The following APOLD1 variants were observed in gnomAD, a reference collection of about 807,000 sequenced individuals.
APOLD1 encodes the protein apolipoprotein L domain-containing protein 1.
In APOLD1, 22 loss-of-function variants were observed where a neutral mutation model predicts 15.3. The observed-to-expected ratio is 1.44, with a 90% CI of 1.03 to 2.05. The LOEUF (loss-of-function observed/expected upper bound fraction) is 2.05, where lower values mean the gene tolerates loss of function less well. Ranked by LOEUF, APOLD1 falls within the 30% of genes most tolerant of loss-of-function variation. The pLI is 0.00. For missense variants in APOLD1, 394 were observed against 353.5 expected (o/e 1.11, Z -0.92); for synonymous variants, 190 against 167.4 (o/e 1.13, Z -1.04).
intron 1 of APOLD1, chr12:12,771,581 G>A (rs1946987581): frequency 3.8e-6 from 2 of 520,526 alleles, no homozygotes; most frequent in Admixed American, 2.0e-5. Flanking sequence ...AACTTATGAT[G>A]GAGGAAATGG....
chr12:12,752,962 G>A (rs1946823599), intron 1 of APOLD1, among the ~76,000 whole-genome samples: 1 of 152,126 alleles, frequency 6.6e-6, no homozygotes, highest in Non-Finnish European at 1.5e-5. Context: ...GTAGGAGGGT[G>A]ATGATAAGAT....
At chr12:12,741,316 C>T (rs1946728224) in intron 1 of APOLD1, among the ~76,000 whole-genome samples, 1 of 152,212 alleles carries the variant, frequency 6.6e-6, no homozygotes, top group African/African-American at 2.4e-5. Context: ...AAGTGATCCT[C>T]CCATTTCAGC....
intron 1 of APOLD1, among the ~76,000 whole-genome samples, chr12:12,735,724 T>G (rs955084740): frequency 1.3e-5 from 2 of 152,008 alleles, no homozygotes; most frequent in African/African-American, 4.8e-5. Flanking sequence ...AGAGGATCAT[T>G]CGAGGTTAGG....
At chr12:12,783,269 T>A (rs909663052), upstream of APOLD1, among the ~76,000 whole-genome samples, 1 of 152,110 alleles carries the variant, frequency 6.6e-6, no homozygotes, top group East Asian at 1.9e-4. Flanking sequence ...CAAGTGTCAG[T>A]TCTTATAAAC....
At chr12:12,781,396 A>G (rs1947078587), upstream of APOLD1, among the ~76,000 whole-genome samples, 2 of 152,242 alleles carry the variant, frequency 1.3e-5, no homozygotes, top group Admixed American at 6.5e-5. Context: ...GTAGGCTGAG[A>G]TCGCGTCATT....
intron 1 of APOLD1, among the ~76,000 whole-genome samples, chr12:12,730,326 C>A (rs1406445596): frequency 1.3e-5 from 2 of 152,104 alleles, no homozygotes; most frequent in Non-Finnish European, 2.9e-5. Flanking sequence ...CTCTGGAATC[C>A]TACTGCCTGG....
rs550142976 is a variant in APOLD1, at chr12:12,747,160, G to A, written c.96+21064G>A. 2.6e-5 allele frequency among the ~76,000 whole-genome samples: 4 copies of A among 152,240 alleles called. No homozygotes were observed. In the South Asian group the frequency reaches 6.2e-4, roughly 24 times the overall value. ...ACAGTCTCGCTTTGTCACCCAGGCT[G>A]GAGTGCAGTGGTGCCATTATAGCTC... is the stretch of plus-strand genomic sequence containing the variant. On this transcript the variant is annotated intron_variant, in intron 1 of 1. Transcript: ENST00000326765.
At chr12:12,783,074 T>G (rs1047967035), upstream of APOLD1, among the ~76,000 whole-genome samples, 3 of 151,114 alleles carry the variant, frequency 2.0e-5, no homozygotes, top group African/African-American at 7.3e-5. Flanking sequence ...GGTGTAGTGG[T>G]GCACGCCTGT....
chr12:12,729,183 T>C (rs765708139), intron 1 of APOLD1, among the ~76,000 whole-genome samples: 22 of 151,972 alleles, frequency 1.4e-4, no homozygotes, highest in Non-Finnish European at 2.6e-4. Flanking sequence ...ATTTTCCCCA[T>C]GTGGATTTAA....
At chr12:12,776,822 T>C (rs979228632) in intron 1 of APOLD1, among the ~76,000 whole-genome samples, 1 of 152,188 alleles carries the variant, frequency 6.6e-6, no homozygotes, top group African/African-American at 2.4e-5. Flanking sequence ...TCATATTATA[T>C]TGAATTAAAA....
exon 1 of APOLD1, chr12:12,726,011 C>T: frequency 2.0e-6 from 3 of 1,518,892 alleles, no homozygotes; most frequent in Non-Finnish European, 2.7e-6. Context: ...ATGTTCCGCG[C>T]GCCGTGTCAC....
At chr12:12,760,588 G>A (rs1365442278) in intron 1 of APOLD1, among the ~76,000 whole-genome samples, 6 of 146,406 alleles carry the variant, frequency 4.1e-5, no homozygotes, top group East Asian at 4.2e-4. Context: ...GCAGTGAGCC[G>A]AGATAGTGCC....
chr12:12,761,111 A>G (rs1200980446), intron 1 of APOLD1, among the ~76,000 whole-genome samples: 1 of 152,240 alleles, frequency 6.6e-6, no homozygotes, highest in Non-Finnish European at 1.5e-5. Context: ...AAAATTTAGC[A>G]TCAGAGTGTT....
intron 1 of APOLD1, among the ~76,000 whole-genome samples, chr12:12,748,531 T>G (rs1433648673): frequency 6.6e-6 from 1 of 152,268 alleles, no homozygotes; most frequent in Non-Finnish European, 1.5e-5. Context: ...CTGGGATGCA[T>G]GTGATATTTT....
chr12:12,760,658 A>G (rs995408493), intron 1 of APOLD1, among the ~76,000 whole-genome samples: 1 of 151,316 alleles, frequency 6.6e-6, no homozygotes, highest in African/African-American at 2.4e-5. Flanking sequence ...AAAAAAAACA[A>G]CCAACAACCA....
intron 1 of APOLD1, among the ~76,000 whole-genome samples, chr12:12,739,311 G>T (rs1369628114): frequency 6.6e-6 from 1 of 152,238 alleles, no homozygotes; most frequent in Non-Finnish European, 1.5e-5. Context: ...GAAAGCCAGG[G>T]AGATCGAGAA....
chr12:12,748,650 T>G (rs201643864), intron 1 of APOLD1, among the ~76,000 whole-genome samples: 2 of 11,526 alleles, frequency 1.7e-4, no homozygotes, highest in African/African-American at 4.4e-4. Context: ...TAATTATGGG[T>G]TTTTTTTTTT....
chr12:12,786,566 G>A, intron 1 of APOLD1: 1 of 739,532 alleles, frequency 1.4e-6, no homozygotes, highest in Non-Finnish European at 1.7e-6. Context: ...CTCAGTACTG[G>A]AGAAGCCTTC....
At chr12:12,757,768 G>A (rs916583037) in intron 1 of APOLD1, among the ~76,000 whole-genome samples, 7 of 151,784 alleles carry the variant, frequency 4.6e-5, no homozygotes, top group African/African-American at 1.7e-4. Flanking sequence ...TATTTACAGA[G>A]TTGTGCAACA....
Sources: allele counts gnomAD v4.1 joint callset (sites outside exome capture counted in the v4.1 genomes callset), GRCh38; gene constraint gnomAD v4.1.1; transcripts MANE v1.5; gene names NCBI Gene and HGNC (gene_info 2026-07-23, HGNC 2026-07-21).